The following ATF7IP2 variants were observed in gnomAD, a reference collection of about 807,000 sequenced individuals.
The protein encoded by ATF7IP2 is activating transcription factor 7-interacting protein 2.
A neutral mutation model predicts 64.2 loss-of-function variants in ATF7IP2; 42 were observed. That is an observed-to-expected ratio of 0.65 (90% CI 0.51 to 0.85). The LOEUF is 0.85. Among genes scored for constraint, ATF7IP2 ranks in the 40% least tolerant of loss-of-function variants. The pLI, the probability that ATF7IP2 is intolerant of heterozygous loss-of-function variation, is 0.00. For missense variants in ATF7IP2, 933 were observed against 784.2 expected, an observed-to-expected ratio of 1.19 and a Z score of -2.27; for synonymous variants, 308 against 272.8, an observed-to-expected ratio of 1.13 and a Z score of -1.27.
rs2048151633 is a variant in ATF7IP2 at position 10,428,864 on chromosome 16, A to G, written c.-159-4A>G. The G allele has an allele frequency of 6.7e-6, 1 of 149,486 alleles. No homozygotes were observed. The highest frequency in any genetic ancestry group is 2.1e-4 in the South Asian group (1 of 4,760). 9.3% of individuals were successfully genotyped at this position (149,486 alleles called of 1,614,324 possible). The stretch of plus-strand genomic sequence containing the variant: ...ACCATATATTTATTTTCTTTTTTTG[A>G]TAGGAATCCTGCTTTTTTTTTTTCT... On this transcript the variant is annotated splice_region_variant and splice_polypyrimidine_tract_variant and intron_variant, in intron 3 of 13. Transcript: ENST00000562102.
chr16:10,392,579 C>G (rs566556762), intron 1 of ATF7IP2, among the ~76,000 whole-genome samples: 3 of 152,198 alleles, frequency 2.0e-5, no homozygotes, highest in East Asian at 3.9e-4. Flanking sequence ...AGAAATTGTT[C>G]AGAGACTAGA....
At chr16:10,465,784 T>A (rs2049547300) in intron 9 of ATF7IP2, among the ~76,000 whole-genome samples, 2 of 151,722 alleles carry the variant, frequency 1.3e-5, no homozygotes, top group Admixed American at 1.3e-4. Flanking sequence ...TTGAATAGTT[T>A]CATGAAAGTT....
intron 1 of ATF7IP2, among the ~76,000 whole-genome samples, chr16:10,393,541 G>A (rs1022500493): frequency 1.3e-5 from 2 of 152,092 alleles, no homozygotes; most frequent in Non-Finnish European, 2.9e-5. Flanking sequence ...CAAGACTTCA[G>A]TATAAAATCA....
chr16:10,465,651 A>C (rs2049540993), intron 9 of ATF7IP2, among the ~76,000 whole-genome samples: 1 of 149,892 alleles, frequency 6.7e-6, no homozygotes, highest in Non-Finnish European at 1.5e-5. Context: ...AGGCAGGAGA[A>C]TTGCTTGAAC....
At chr16:10,407,557 A>C (rs186296797) in intron 1 of ATF7IP2, among the ~76,000 whole-genome samples, 163 of 152,380 alleles carry the variant, frequency 1.1e-3, no homozygotes, top group African/African-American at 3.7e-3. Flanking sequence ...TACAAAATTC[A>C]GTACCATTTC....
At chr16:10,442,931 A>G (rs7189680) in intron 8 of ATF7IP2, among the ~76,000 whole-genome samples, 120,576 of 152,158 alleles carry the variant, frequency 0.79, 48,594 homozygotes, top group African/African-American at 0.94. Flanking sequence ...GTTTGGTTTC[A>G]TGCTTTAAAT....
chr16:10,441,830 C>T (rs1051177703), intron 8 of ATF7IP2, among the ~76,000 whole-genome samples: 13 of 152,122 alleles, frequency 8.5e-5, no homozygotes, highest in Non-Finnish European at 2.9e-5. Flanking sequence ...ATTCCTATGT[C>T]CTGTATGTTA....
intron 3 of ATF7IP2, among the ~76,000 whole-genome samples, chr16:10,428,311 A>AT (rs1216758080): frequency 1.3e-5 from 2 of 152,110 alleles, no homozygotes; most frequent in Non-Finnish European, 2.9e-5. Context: ...ATGTAGAGGC[A>AT]TTTTTTTACT....
chr16:10,481,142 A>G (rs1281022069), intron 13 of ATF7IP2, among the ~76,000 whole-genome samples, 178 bp downstream of exon 13: 1 of 152,270 alleles, frequency 6.6e-6, no homozygotes, highest in Non-Finnish European at 1.5e-5. Flanking sequence ...CAGAAGCTAC[A>G]GAAATTAAAA....
intron 8 of ATF7IP2, among the ~76,000 whole-genome samples, chr16:10,443,901 T>A (rs1596530710): frequency 1.3e-5 from 2 of 152,276 alleles, no homozygotes; most frequent in East Asian, 3.9e-4. Flanking sequence ...GATATAGAGA[T>A]AAGGCTTTAG....
intron 9 of ATF7IP2, among the ~76,000 whole-genome samples, chr16:10,459,918 T>C (rs1419482374): frequency 1.3e-5 from 2 of 152,096 alleles, no homozygotes; most frequent in Non-Finnish European, 2.9e-5. Flanking sequence ...CTGGATGCCT[T>C]AGCTAATGCA....
chr16:10,436,399 T>TG (rs985904182), intron 6 of ATF7IP2, among the ~76,000 whole-genome samples: 4 of 151,870 alleles, frequency 2.6e-5, no homozygotes, highest in African/African-American at 4.8e-5. Flanking sequence ...GCCTTTTTTT[T>TG]TTAAATAATA....
intron 1 of ATF7IP2, among the ~76,000 whole-genome samples, chr16:10,391,281 A>G (rs2047316824): frequency 6.6e-6 from 1 of 152,008 alleles, no homozygotes; most frequent in Admixed American, 6.6e-5. Context: ...TAAAAATTTT[A>G]AAAAGACCAG....
At chr16:10,457,923 G>A (rs934988541) in intron 9 of ATF7IP2, among the ~76,000 whole-genome samples, 1 of 152,174 alleles carries the variant, frequency 6.6e-6, no homozygotes, top group Non-Finnish European at 1.5e-5. Context: ...TGTTGCCCAG[G>A]CTGGTCTGGA....
At chr16:10,476,949 C>CTG (rs2050032383) in intron 12 of ATF7IP2, among the ~76,000 whole-genome samples, 1 of 152,086 alleles carries the variant, frequency 6.6e-6, no homozygotes, top group Non-Finnish European at 1.5e-5. Flanking sequence ...GTGATTAGTG[C>CTG]TGCAGTTAAC....
chr16:10,444,389 G>A (rs949656084), intron 8 of ATF7IP2, among the ~76,000 whole-genome samples: 2 of 152,090 alleles, frequency 1.3e-5, no homozygotes, highest in Admixed American at 1.3e-4. Context: ...ACTAGATAAG[G>A]TCTCCCAGGT....
chr16:10,392,189 C>T (rs977041591), intron 1 of ATF7IP2, among the ~76,000 whole-genome samples: 1 of 151,506 alleles, frequency 6.6e-6, no homozygotes, highest in Non-Finnish European at 1.5e-5. Context: ...AAGTAGCACC[C>T]GCCACCATGC....
chr16:10,480,884 C>A lies in ATF7IP2; in HGVS notation c.1555C>A (p.Pro519Thr), dbSNP rs757869030. ...EGLSNCNTES[P>T]VSPLESHSKA... ...AAACCTTGTGTTGTTCACAGAAAGT[C>A]CAGTATCCCCCCTGGAGTCACATTC... The change falls in exon 13 of 14, where the codon CCA becomes ACA. Residue 519 changes from proline (P) to threonine (T), a missense_variant. Coordinates refer to ENST00000562102, the MANE Select transcript of ATF7IP2 (RefSeq NM_001393719.1). 3 of 1,608,512 alleles carry A rather than the reference C, an allele frequency of 1.9e-6. 1 individual carries two copies. In the South Asian group the frequency reaches 3.3e-5, roughly 18 times the overall value.
At chr16:10,470,622 A>AT (rs1039334946) in intron 9 of ATF7IP2, among the ~76,000 whole-genome samples, 3 of 151,842 alleles carry the variant, frequency 2.0e-5, no homozygotes, top group Admixed American at 1.3e-4. Context: ...TTTTAAAAAA[A>AT]TTTTTTTAAA....
Sources: gnomAD v4.1 joint callset for allele counts (sites outside exome capture counted in the v4.1 genomes callset) on GRCh38, gnomAD v4.1.1 for gene constraint, MANE v1.5 for transcripts, NCBI Gene and HGNC (gene_info 2026-07-23, HGNC 2026-07-21) for gene names.